PXDNL: variants seen among roughly 807,000 people sequenced by gnomAD.
The protein encoded by PXDNL is peroxidasin like.
In PXDNL, 145 loss-of-function variants were observed where a neutral mutation model predicts 150.8. That is an observed-to-expected ratio of 0.96 (90% CI 0.84 to 1.10). The LOEUF is 1.10. Ranked by LOEUF, PXDNL falls within the 50% of genes least tolerant of loss-of-function variation. The probability of loss-of-function intolerance (pLI) is 0.00; values close to 1 mark genes in which losing one functional copy is unlikely to be tolerated. For missense variants in PXDNL, 2,087 were observed against 1,873.9 expected, an observed-to-expected ratio of 1.11 and a Z score of -2.10; for synonymous variants, 757 against 725.7, an observed-to-expected ratio of 1.04 and a Z score of -0.69.
chr8:51,334,456 G>A (rs1483353878), intron 21 of PXDNL, among the ~76,000 whole-genome samples: 4 of 151,766 alleles, frequency 2.6e-5, no homozygotes, highest in Non-Finnish European at 5.9e-5. Context: ...CAGAAGAAAG[G>A]AAATTACCAA....
chr8:51,648,976 C>T (rs1814978592), intron 2 of PXDNL, among the ~76,000 whole-genome samples: 1 of 152,156 alleles, frequency 6.6e-6, no homozygotes, highest in South Asian at 2.1e-4. Flanking sequence ...AGTGCTCATA[C>T]ATTTCCTATT....
intron 1 of PXDNL, among the ~76,000 whole-genome samples, chr8:51,701,743 C>G (rs1044584745): frequency 6.6e-6 from 1 of 152,130 alleles, no homozygotes; most frequent in Non-Finnish European, 1.5e-5. Context: ...AGTCTGATTG[C>G]TTTTCAATAA....
At chr8:51,679,020 G>A (rs1374343765) in intron 1 of PXDNL, among the ~76,000 whole-genome samples, 2 of 152,130 alleles carry the variant, frequency 1.3e-5, no homozygotes, top group Non-Finnish European at 2.9e-5. Flanking sequence ...GAAGACAAGG[G>A]TTTCAAAGAA....
intron 12 of PXDNL, among the ~76,000 whole-genome samples, chr8:51,431,156 A>G (rs1462022182): frequency 6.6e-6 from 1 of 152,098 alleles, no homozygotes. Flanking sequence ...GGTCAATTGG[A>G]TCATTAGAGT....
chr8:51,409,947 A>G (rs1479621782), intron 16 of PXDNL, among the ~76,000 whole-genome samples: 2 of 152,330 alleles, frequency 1.3e-5, no homozygotes, highest in African/African-American at 4.8e-5. Flanking sequence ...GAAAGAGAAC[A>G]GGTGCCAGCC....
chr8:51,581,901 G>C (rs563977488), intron 3 of PXDNL, among the ~76,000 whole-genome samples: 2 of 152,056 alleles, frequency 1.3e-5, no homozygotes, highest in South Asian at 4.2e-4. Flanking sequence ...TCATATGCCT[G>C]TTCAGATTTT....
chr8:51,771,981 A>T lies in PXDNL; in HGVS notation c.164+37200T>A, dbSNP rs535239187. The stretch of plus-strand genomic sequence containing the variant: ...GCAAAAGTATCCAGCCAGAAAAGAG[A>T]GAGTGGGTCATGTGAGGAGGTGTGG... On this transcript the variant is annotated intron_variant, in intron 1 of 22. Coordinates refer to ENST00000356297, the MANE Select transcript of PXDNL (RefSeq NM_144651.5). Among the ~76,000 whole-genome samples the T allele has an allele frequency of 1.7e-3, 265 of 152,066 alleles. 1 individual carries two copies. Among genetic ancestry groups the T allele is most frequent in the Non-Finnish European group, 2.5e-3 (167 of 68,008 alleles).
rs560934902 is a variant in PXDNL at position 51,761,366 on chromosome 8, C to T, written c.164+47815G>A. Among the ~76,000 whole-genome samples the T allele has an allele frequency of 2.3e-4, 35 of 152,034 alleles. No homozygotes were observed. In the South Asian group the frequency reaches 6.8e-3, roughly 30 times the overall value. On this transcript the variant is annotated intron_variant, in intron 1 of 22. Coordinates refer to ENST00000356297, the MANE Select transcript of PXDNL (RefSeq NM_144651.5). Reference sequence around the variant, plus strand: ...GCTTTGGTTTTACTCATCTGTAAAACGGGATGAGAAATAATTTCTGCTATA... The same window carrying T: ...GCTTTGGTTTTACTCATCTGTAAAATGGGATGAGAAATAATTTCTGCTATA...
At chr8:51,705,846 C>CTAT (rs1563513194) in intron 1 of PXDNL, among the ~76,000 whole-genome samples, 6 of 147,192 alleles carry the variant, frequency 4.1e-5, no homozygotes, top group African/African-American at 1.6e-4. Context: ...CGCGCGCGCG[C>CTAT]GCGCGCGTGC....
intron 4 of PXDNL, among the ~76,000 whole-genome samples, chr8:51,502,926 A>C (rs1811217526): frequency 6.6e-6 from 1 of 152,180 alleles, no homozygotes; most frequent in Non-Finnish European, 1.5e-5. Flanking sequence ...ACAACAGTTT[A>C]TCCAATATCA....
At chr8:51,406,368 C>T (rs1808435236) in intron 17 of PXDNL, among the ~76,000 whole-genome samples, 1 of 152,346 alleles carries the variant, frequency 6.6e-6, no homozygotes. Context: ...CTGTTGGATT[C>T]TTGGCTCCTA....
At chr8:51,496,106 G>C (rs1811041555) in intron 5 of PXDNL, among the ~76,000 whole-genome samples, 1 of 152,072 alleles carries the variant, frequency 6.6e-6, no homozygotes, top group African/African-American at 2.4e-5. Context: ...TTCATCCCTG[G>C]GATGCAAGGC....
At chr8:51,585,197 T>G (rs947408427) in intron 3 of PXDNL, among the ~76,000 whole-genome samples, 3 of 152,158 alleles carry the variant, frequency 2.0e-5, no homozygotes, top group Admixed American at 6.6e-5. Flanking sequence ...TAAGTCACGT[T>G]AAGTTTGAAG....
Position 51,472,494 on chromosome 8 carries a change from T to C in PXDNL, c.695-190A>G, listed in dbSNP as rs372487638. Among the ~76,000 whole-genome samples the C allele has an allele frequency of 1.1e-3, 171 of 152,286 alleles. 1 individual carries two copies. Among genetic ancestry groups the C allele is most frequent in the African/African-American group, 3.8e-3 (156 of 41,552 alleles). ...TATATTTGACTTATACTTTAGAAGT[T>C]TGAAAAATTCACTGCACAAAGGGAT... On this transcript the variant is annotated intron_variant, in intron 7 of 22. Coordinates refer to ENST00000356297, the MANE Select transcript of PXDNL (RefSeq NM_144651.5).
chr8:51,372,316 G>C (rs1309106145), intron 18 of PXDNL, among the ~76,000 whole-genome samples: 1 of 152,080 alleles, frequency 6.6e-6, no homozygotes, highest in East Asian at 1.9e-4. Flanking sequence ...ATGATTCAAA[G>C]GAAAGTTTTC....
intron 1 of PXDNL, among the ~76,000 whole-genome samples, chr8:51,797,465 C>T (rs918840452): frequency 1.3e-5 from 2 of 152,202 alleles, no homozygotes; most frequent in Non-Finnish European, 2.9e-5. Flanking sequence ...TGATAAGCCC[C>T]TTTGGCAAAG....
chr8:51,338,949 C>T (rs935996863), intron 21 of PXDNL, among the ~76,000 whole-genome samples: 1 of 152,270 alleles, frequency 6.6e-6, no homozygotes, highest in Non-Finnish European at 1.5e-5. Flanking sequence ...ATACATCGTG[C>T]TGTTAAAAAT....
chr8:51,335,056 C>T (rs760144814), intron 21 of PXDNL, among the ~76,000 whole-genome samples: 2 of 152,176 alleles, frequency 1.3e-5, no homozygotes, highest in African/African-American at 2.4e-5. Context: ...TTTCAACCAT[C>T]TACATTTACT....
rs1023534889 is a variant in PXDNL, at chr8:51,408,735, C to T, written c.2889G>A (p.Glu963=). 7.6e-6 allele frequency: 12 copies of T among 1,588,876 alleles called. No individual in the cohort carries two copies. In the African/African-American group the frequency reaches 1.2e-4, roughly 16 times the overall value. ...CFLAGDHRAN[E]HLALAAMHTL... ...TGTGCATGGCGGCCAGAGCCAGATG[C>T]TCGTTGGCCCGGTGGTCCCCGGCCA... Residue 963 remains glutamate (E), a synonymous_variant, in exon 17 of 23, where the codon GAG becomes GAA. Transcript: ENST00000356297.
Sources: gnomAD v4.1 joint callset for allele counts (sites outside exome capture counted in the v4.1 genomes callset) on GRCh38, gnomAD v4.1.1 for gene constraint, MANE v1.5 for transcripts, NCBI Gene and HGNC (gene_info 2026-07-23, HGNC 2026-07-21) for gene names.